The following SYN3 variants were observed in gnomAD, a reference collection of about 807,000 sequenced individuals.
SYN3 encodes synapsin-3.
A neutral mutation model predicts 65.8 loss-of-function variants in SYN3; 35 were observed. The observed-to-expected ratio is 0.53, with a 90% CI of 0.41 to 0.70. The LOEUF is 0.70. Among genes scored for constraint, SYN3 ranks in the 30% least tolerant of loss-of-function variants. The pLI is 0.00. For missense variants in SYN3, 680 were observed against 749.0 expected (o/e 0.91, Z 1.08); for synonymous variants, 270 against 292.9 (o/e 0.92, Z 0.80).
intron 4 of SYN3, among the ~76,000 whole-genome samples, chr22:32,912,697 G>A (rs112801333): frequency 0.013 from 1,893 of 150,548 alleles, 22 homozygotes; most frequent in Middle Eastern, 0.031. Context: ...TTCTAGACTG[G>A]GCAAAACAGC....
chr22:32,788,040 C>T (rs1164225424), intron 6 of SYN3, among the ~76,000 whole-genome samples: 1 of 152,044 alleles, frequency 6.6e-6, no homozygotes, highest in African/African-American at 2.4e-5. Context: ...TCTAGAAGGC[C>T]AAGGCATTTA....
chr22:32,567,550 G>A (rs967800581), intron 7 of SYN3, among the ~76,000 whole-genome samples: 1 of 152,168 alleles, frequency 6.6e-6, no homozygotes, highest in African/African-American at 2.4e-5. Context: ...AAAGGGTTAT[G>A]TATTGGGCCT....
At chr22:32,722,105 C>T (rs1035747574) in intron 6 of SYN3, among the ~76,000 whole-genome samples, 1 of 151,684 alleles carries the variant, frequency 6.6e-6, no homozygotes, top group African/African-American at 2.4e-5. Context: ...CTCGAAGGGT[C>T]TGGAGACCAT....
At chr22:32,626,967 T>C (rs1461631457) in intron 6 of SYN3, among the ~76,000 whole-genome samples, 1 of 152,170 alleles carries the variant, frequency 6.6e-6, no homozygotes, top group Non-Finnish European at 1.5e-5. Context: ...AAAGGTGTTG[T>C]CTCCCTGCAC....
intron 6 of SYN3, among the ~76,000 whole-genome samples, chr22:32,711,397 G>T (rs2060963515): frequency 6.6e-6 from 1 of 152,192 alleles, no homozygotes; most frequent in Admixed American, 6.5e-5. Flanking sequence ...GGTCTGAAAG[G>T]TCATTAACTA....
intron 6 of SYN3, among the ~76,000 whole-genome samples, chr22:32,659,432 T>C (rs1323319756): frequency 1.3e-5 from 2 of 152,148 alleles, no homozygotes; most frequent in African/African-American, 4.8e-5. Context: ...CTTCAGAACA[T>C]GGGTTATACT....
chr22:32,972,952 T>C (rs2052065259), intron 3 of SYN3, among the ~76,000 whole-genome samples: 1 of 152,036 alleles, frequency 6.6e-6, no homozygotes, highest in Non-Finnish European at 1.5e-5. Context: ...GAGGCTACAG[T>C]GAACCATGAT....
intron 2 of SYN3, 64 bp downstream of exon 2, chr22:33,006,288 G>A: frequency 6.7e-7 from 1 of 1,495,434 alleles, no homozygotes; most frequent in Non-Finnish European, 9.0e-7. Flanking sequence ...TTCCCCAGGA[G>A]ATGAGATAAT....
At chr22:32,603,717 G>A (rs1486696233) in intron 6 of SYN3, among the ~76,000 whole-genome samples, 1 of 152,026 alleles carries the variant, frequency 6.6e-6, no homozygotes, top group Non-Finnish European at 1.5e-5. Context: ...ACAGGTCACA[G>A]AGGACAAAAA....
Position 32,838,791 on chromosome 22 carries a change from C to T in SYN3, c.711+26124G>A, listed in dbSNP as rs1453515375. On this transcript the variant is annotated intron_variant, in intron 6 of 13. Coordinates refer to ENST00000358763, the MANE Select transcript of SYN3 (RefSeq NM_003490.4). ...TTATTGTATTACCTTTGGTTCCCTC[C>T]CACAGCCTCATTCATTCATTCATTC... 3.3e-5 allele frequency among the ~76,000 whole-genome samples: 5 copies of T among 151,960 alleles called. No individual in the cohort carries two copies. The East Asian group carries it at 7.8e-4, about 24-fold the overall frequency.
intron 6 of SYN3, among the ~76,000 whole-genome samples, chr22:32,853,864 C>T (rs1168164980): frequency 6.6e-6 from 1 of 152,112 alleles, no homozygotes; most frequent in African/African-American, 2.4e-5. Context: ...AAACTGAGAC[C>T]CAAAGAGGTT....
intron 6 of SYN3, among the ~76,000 whole-genome samples, chr22:32,691,589 G>A (rs2060662188): frequency 6.6e-6 from 1 of 152,148 alleles, no homozygotes; most frequent in South Asian, 2.1e-4. Context: ...AATCAGATGA[G>A]GGTGAAGACT....
chr22:33,041,520 G>A (rs1464673078), intron 1 of SYN3, among the ~76,000 whole-genome samples: 1 of 151,714 alleles, frequency 6.6e-6, no homozygotes, highest in Non-Finnish European at 1.5e-5. Flanking sequence ...GATGAGTCTC[G>A]ATCTCCTCAC....
At chr22:32,786,361 G>A (rs929398177) in intron 6 of SYN3, among the ~76,000 whole-genome samples, 4 of 151,974 alleles carry the variant, frequency 2.6e-5, no homozygotes, top group Non-Finnish European at 2.9e-5. Context: ...AGGGGACCAG[G>A]AGCATCATGT....
chr22:32,907,454 C>A (rs1295906311), intron 4 of SYN3, among the ~76,000 whole-genome samples: 1 of 152,156 alleles, frequency 6.6e-6, no homozygotes, highest in Non-Finnish European at 1.5e-5. Context: ...CAGGTACTTT[C>A]ATGCATTCAA....
intron 6 of SYN3, among the ~76,000 whole-genome samples, chr22:32,616,528 T>C (rs1270974928): frequency 6.6e-6 from 1 of 152,108 alleles, no homozygotes; most frequent in Non-Finnish European, 1.5e-5. Flanking sequence ...GTCATAGTGC[T>C]GAGTATAATA....
chr22:32,565,959 G>A (rs1454422507), intron 7 of SYN3, among the ~76,000 whole-genome samples: 4 of 151,878 alleles, frequency 2.6e-5, no homozygotes, highest in African/African-American at 9.7e-5. Context: ...TGATCTGCCC[G>A]CCTCGGCCTC....
chr22:32,649,640 G>C (rs1211700527), intron 6 of SYN3, among the ~76,000 whole-genome samples: 1 of 152,108 alleles, frequency 6.6e-6, no homozygotes, highest in Non-Finnish European at 1.5e-5. Context: ...TTCGCGGCTG[G>C]GCCCAAGGCT....
intron 4 of SYN3, among the ~76,000 whole-genome samples, chr22:32,898,787 G>A (rs984174274): frequency 1.3e-4 from 20 of 152,184 alleles, no homozygotes; most frequent in African/African-American, 3.9e-4. Flanking sequence ...ACCTCTCTGA[G>A]TTTCCATGTC....
Sources: allele counts gnomAD v4.1 joint callset (sites outside exome capture counted in the v4.1 genomes callset), GRCh38; gene constraint gnomAD v4.1.1; transcripts MANE v1.5; gene names NCBI Gene and HGNC (gene_info 2026-07-23, HGNC 2026-07-21).